ITSN1: variants seen among roughly 807,000 people sequenced by gnomAD.
The protein encoded by ITSN1 is intersectin-1.
In ITSN1, 58 loss-of-function variants were observed where a neutral mutation model predicts 239.8. The ratio of observed to expected loss-of-function variants is 0.24; its 90% CI spans 0.20 to 0.30. ITSN1 has a LOEUF of 0.30. Ranked by LOEUF, ITSN1 falls within the 10% of genes least tolerant of loss-of-function variation. ITSN1 has a pLI of 1.00. For missense variants in ITSN1, 1,558 were observed against 2,103.3 expected, an observed-to-expected ratio of 0.74 and a Z score of 5.07; for synonymous variants, 780 against 770.8, an observed-to-expected ratio of 1.01 and a Z score of -0.20.
chr21:33,689,225 A>G (rs1221957549), intron 1 of ITSN1: 1 of 152,236 alleles, frequency 6.6e-6, no homozygotes, highest in African/African-American at 2.4e-5. Context: ...GTATGCTTCT[A>G]TAAACTACCA....
intron 1 of ITSN1, among the ~76,000 whole-genome samples, chr21:33,690,993 G>T (rs1292988393): frequency 5.3e-5 from 8 of 151,080 alleles, no homozygotes; most frequent in Non-Finnish European, 1.2e-4. Flanking sequence ...ACCCTCACCT[G>T]GAAAGCAGCT....
chr21:33,732,384 T>C (rs1190540262), intron 4 of ITSN1, among the ~76,000 whole-genome samples: 1 of 152,160 alleles, frequency 6.6e-6, no homozygotes, highest in Non-Finnish European at 1.5e-5. Flanking sequence ...CAGGTTAATT[T>C]TGAAATGCCC....
chr21:33,777,046 T>G (rs2069692512), intron 14 of ITSN1, among the ~76,000 whole-genome samples: 1 of 152,166 alleles, frequency 6.6e-6, no homozygotes, highest in Admixed American at 6.5e-5. Context: ...AAAAAAATAA[T>G]TTTTACAAGT....
chr21:33,746,427 C>T (rs1466367269), intron 5 of ITSN1, among the ~76,000 whole-genome samples: 1 of 152,052 alleles, frequency 6.6e-6, no homozygotes, highest in African/African-American at 2.4e-5. Flanking sequence ...GTTCAAAGAA[C>T]TGAAGAACTA....
Position 33,875,433 on chromosome 21 carries a change from C to T in ITSN1, c.4253C>T (p.Ser1418Phe). The T allele has an allele frequency of 6.2e-7, 1 of 1,614,108 alleles. No homozygotes were observed. The highest frequency in any genetic ancestry group is 8.5e-7 in the Non-Finnish European group (1 of 1,180,008). The change falls in exon 34 of 40, where the codon TCC becomes TTC. Residue 1418 changes from serine to phenylalanine, a missense_variant. Coordinates refer to ENST00000381318, the MANE Select transcript of ITSN1 (RefSeq NM_003024.3). ...CTGGAGAAGGCGGAAGAGCTCTGTTCCCAGGTGAACGAAGGGGTGCGGGAG... is the reference window on the plus strand; with the variant it reads ...CTGGAGAAGGCGGAAGAGCTCTGTTTCCAGGTGAACGAAGGGGTGCGGGAG... ...HALEKAEELC[S>F]QVNEGVREKE...
chr21:33,662,706 T>A (rs2834244), intron 1 of ITSN1, among the ~76,000 whole-genome samples: 48,177 of 152,064 alleles, frequency 0.32, 7,951 homozygotes, highest in East Asian at 0.58. Flanking sequence ...TCAGCTCATA[T>A]AAAATGTGCT....
intron 1 of ITSN1, among the ~76,000 whole-genome samples, chr21:33,658,757 A>G (rs1265710032): frequency 4.6e-5 from 7 of 152,148 alleles, no homozygotes. Flanking sequence ...ACTATTATCT[A>G]TCCTTTTGTT....
At chr21:33,868,463 C>T (rs1363085327) in intron 33 of ITSN1, among the ~76,000 whole-genome samples, 8 of 152,228 alleles carry the variant, frequency 5.3e-5, no homozygotes, top group Non-Finnish European at 1.2e-4. Context: ...CCCTGCCCCG[C>T]GGGAAGGCAG....
At chr21:33,824,969 G>C (rs990263656) in intron 25 of ITSN1, among the ~76,000 whole-genome samples, 1 of 152,150 alleles carries the variant, frequency 6.6e-6, no homozygotes, top group African/African-American at 2.4e-5. Context: ...TTCTTCTCCA[G>C]GCCAGCAAGT....
rs760448404 is a variant in ITSN1, at chr21:33,661,829, T to C, written c.-33+19116T>C. Among the ~76,000 whole-genome samples, 5 of 152,198 alleles carry C rather than the reference T, an allele frequency of 3.3e-5. No homozygotes were observed. The East Asian group carries it at 5.8e-4, about 18-fold the overall frequency. ...TCTCTTGTGACCGCCATGTGAGACA[T>C]ACCTTTTGCCTTCCACCATGATTAT... On this transcript the variant is annotated intron_variant, in intron 1 of 39. Transcript: ENST00000381318.
chr21:33,831,352 A>ATATAGGATAT (rs2074283426), intron 27 of ITSN1, among the ~76,000 whole-genome samples: 1 of 152,164 alleles, frequency 6.6e-6, no homozygotes, highest in Admixed American at 6.5e-5. Flanking sequence ...TAAGGCTTGA[A>ATATAGGATAT]CGGATATAGG....
At chr21:33,877,609 G>T (rs1292173018) in intron 34 of ITSN1, among the ~76,000 whole-genome samples, 3 of 152,100 alleles carry the variant, frequency 2.0e-5, no homozygotes, top group African/African-American at 7.2e-5. Context: ...CCTCCTCTGG[G>T]TTCATCTTTT....
chr21:33,777,571 A>G (rs1007900905), intron 14 of ITSN1, among the ~76,000 whole-genome samples: 3 of 152,120 alleles, frequency 2.0e-5, no homozygotes, highest in Admixed American at 6.5e-5. Flanking sequence ...CTATGGCATA[A>G]ATCTCTATTT....
intron 10 of ITSN1, among the ~76,000 whole-genome samples, chr21:33,767,290 G>T (rs773077840): frequency 6.6e-6 from 1 of 152,112 alleles, no homozygotes. Context: ...TGTTTCTTAG[G>T]GGGTGAAATG....
intron 4 of ITSN1, among the ~76,000 whole-genome samples, chr21:33,722,873 A>G (rs1324152612): frequency 3.9e-5 from 6 of 152,242 alleles, no homozygotes; most frequent in African/African-American, 7.2e-5. Context: ...TTGAATGACA[A>G]CACTGTCAAA....
chr21:33,853,969 G>A (rs1403170510), intron 29 of ITSN1, among the ~76,000 whole-genome samples: 4 of 152,200 alleles, frequency 2.6e-5, no homozygotes, highest in Non-Finnish European at 5.9e-5. Context: ...CTATGCCCTG[G>A]AGGGCAGGAG....
At chr21:33,773,498 G>A (rs1569149320) in intron 12 of ITSN1, among the ~76,000 whole-genome samples, 1 of 151,964 alleles carries the variant, frequency 6.6e-6, no homozygotes, top group Admixed American at 6.6e-5. Context: ...ATAAAAATGA[G>A]GAATTTTTCG....
intron 26 of ITSN1, 24 bp from the exon 27 acceptor site, chr21:33,829,600 G>A: frequency 6.2e-7 from 1 of 1,611,478 alleles, no homozygotes; most frequent in South Asian, 1.1e-5. Flanking sequence ...ACAGTGCACT[G>A]CCGTGTTTGA....
In ITSN1 at chr21:33,833,594, G is replaced by A. The variant is rs140786149; in HGVS notation, c.3352-713G>A. On this transcript the variant is annotated intron_variant, in intron 27 of 39. Coordinates refer to ENST00000381318, the MANE Select transcript of ITSN1 (RefSeq NM_003024.3). ...AAAAAGTACTCAGTGAGGGCCGGGCGCGGTGGCGCACGCCTGTAATCCCAG... is the reference window on the plus strand; with the variant it reads ...AAAAAGTACTCAGTGAGGGCCGGGCACGGTGGCGCACGCCTGTAATCCCAG... Among the ~76,000 whole-genome samples the A allele has an allele frequency of 2.7e-3, 407 of 152,318 alleles. 2 individuals are homozygous for A. Among genetic ancestry groups the A allele is most frequent in the African/African-American group, 9.2e-3 (382 of 41,572 alleles).
Sources: gnomAD v4.1 joint callset for allele counts (sites outside exome capture counted in the v4.1 genomes callset) on GRCh38, gnomAD v4.1.1 for gene constraint, MANE v1.5 for transcripts, NCBI Gene and HGNC (gene_info 2026-07-23, HGNC 2026-07-21) for gene names.